The following BAZ1A variants were observed in gnomAD, a reference collection of about 807,000 sequenced individuals.
BAZ1A encodes the protein bromodomain adjacent to zinc finger domain protein 1A.
A neutral mutation model predicts 185.2 loss-of-function variants in BAZ1A; 50 were observed. The ratio of observed to expected loss-of-function variants is 0.27; its 90% CI spans 0.22 to 0.34. The LOEUF (loss-of-function observed/expected upper bound fraction) is 0.34, where lower values mean the gene tolerates loss of function less well. Among genes scored for constraint, BAZ1A ranks in the 10% least tolerant of loss-of-function variants. The probability of loss-of-function intolerance (pLI) is 1.00; values close to 1 mark genes in which losing one functional copy is unlikely to be tolerated. For synonymous variants in BAZ1A, 571 were observed against 615.6 expected, an observed-to-expected ratio of 0.93 and a Z score of 1.07; for missense variants, 1,356 against 1,839.9, an observed-to-expected ratio of 0.74 and a Z score of 4.81.
At chr14:34,851,600 G>A (rs1400130199) in intron 3 of BAZ1A, among the ~76,000 whole-genome samples, 1 of 151,822 alleles carries the variant, frequency 6.6e-6, no homozygotes, top group East Asian at 1.9e-4. Context: ...AAGTATTTGA[G>A]TTCCAGTTCA....
chr14:34,775,659 G>C (rs571683006), intron 18 of BAZ1A, among the ~76,000 whole-genome samples: 80 of 152,296 alleles, frequency 5.3e-4, no homozygotes, highest in African/African-American at 1.9e-3. Flanking sequence ...AAGGAATAAG[G>C]AGATCAGGGA....
intron 3 of BAZ1A, among the ~76,000 whole-genome samples, chr14:34,846,870 G>C (rs2042520689): frequency 6.6e-6 from 1 of 151,778 alleles, no homozygotes; most frequent in Non-Finnish European, 1.5e-5. Flanking sequence ...TGCACATCCT[G>C]CACACGTACC....
At chr14:34,872,430 A>C (rs972638967) in intron 2 of BAZ1A, among the ~76,000 whole-genome samples, 5 of 152,022 alleles carry the variant, frequency 3.3e-5, no homozygotes, top group Admixed American at 6.6e-5. Context: ...AACCCCGTCT[A>C]TGAAAATACA....
At chr14:34,836,826 G>A (rs962560103) in intron 3 of BAZ1A, among the ~76,000 whole-genome samples, 12 of 152,006 alleles carry the variant, frequency 7.9e-5, no homozygotes, top group South Asian at 4.1e-4. Context: ...CAAAAAGAGT[G>A]TGAATTATGT....
chr14:34,840,716 C>G (rs2042399794), intron 3 of BAZ1A, among the ~76,000 whole-genome samples: 1 of 151,984 alleles, frequency 6.6e-6, no homozygotes, highest in Non-Finnish European at 1.5e-5. Context: ...AAAGTTGCAC[C>G]ACTGCACTCC....
intron 19 of BAZ1A, among the ~76,000 whole-genome samples, chr14:34,774,089 G>A (rs1164460648): frequency 6.6e-6 from 1 of 152,182 alleles, no homozygotes; most frequent in African/African-American, 2.4e-5. Flanking sequence ...ACTCAGCAGA[G>A]AAGGCAGGGG....
In BAZ1A at chr14:34,753,774, C is replaced by G. The variant is rs907920246; in HGVS notation, c.4475-70G>C. On this transcript the variant is annotated intron_variant, in intron 26 of 26. Coordinates refer to ENST00000360310, the MANE Select transcript of BAZ1A (RefSeq NM_013448.3). ...ATTATAATAAATATAATTCTTGTAT[C>G]ATATCTGGAAATTTTATTAAGAAAA... 10 of 1,243,798 alleles carry G rather than the reference C, an allele frequency of 8.0e-6. No individual in the cohort carries two copies. In the South Asian group the frequency reaches 2.2e-4, roughly 28 times the overall value. The allele number at this position is 1,243,798 out of a possible 1,614,324, so 77.0% of individuals were successfully genotyped here.
At chr14:34,875,092 C>T in intron 1 of BAZ1A, 46 bp downstream of exon 1, 3 of 361,986 alleles carry the variant, frequency 8.3e-6, no homozygotes, top group Non-Finnish European at 1.6e-5. Flanking sequence ...TCCCGGCTCG[C>T]CTCCACTTCC....
intron 14 of BAZ1A, among the ~76,000 whole-genome samples, chr14:34,784,817 C>CA (rs1307079820): frequency 2.0e-5 from 3 of 148,204 alleles, no homozygotes; most frequent in Non-Finnish European, 3.0e-5. Context: ...CGCGCCTGGC[C>CA]AAAAAAAAAT....
intron 18 of BAZ1A, 87 bp downstream of exon 18, chr14:34,775,832 T>C: frequency 1.9e-6 from 2 of 1,029,800 alleles, no homozygotes; most frequent in Non-Finnish European, 2.9e-6. Flanking sequence ...AATGTATTTC[T>C]AATAGGTTGC....
intron 10 of BAZ1A, 71 bp downstream of exon 10, chr14:34,795,599 G>A: frequency 1.9e-6 from 2 of 1,032,834 alleles, no homozygotes; most frequent in Non-Finnish European, 1.4e-6. Flanking sequence ...AAATAAGAAT[G>A]ATTTCATCAG....
chr14:34,870,823 A>G (rs546856713), intron 2 of BAZ1A, among the ~76,000 whole-genome samples: 1 of 152,288 alleles, frequency 6.6e-6, no homozygotes, highest in South Asian at 2.1e-4. Context: ...CCCCACCCCA[A>G]CTTGTTTCCT....
intron 4 of BAZ1A, among the ~76,000 whole-genome samples, chr14:34,820,435 A>G (rs2042072650): frequency 6.6e-6 from 1 of 152,106 alleles, no homozygotes; most frequent in South Asian, 2.1e-4. Flanking sequence ...CCCAGCCCTC[A>G]TTGTCTTAAT....
chr14:34,802,910 A>G lies in BAZ1A; in HGVS notation c.805T>C (p.Phe269Leu). 6.2e-7 allele frequency: 1 copy of G among 1,613,256 alleles called. No individual in the cohort carries two copies. Among genetic ancestry groups the G allele is most frequent in the Non-Finnish European group, 8.5e-7 (1 of 1,179,204 alleles). ...CCTCTTCGTCTGTTAGCAGGACTGA[A>G]GATAAATGTGGGTGGATCATCAGGG... ...FFPDDPPTFIFSPANRRRGRP... is the reference protein window; with the variant it reads ...FFPDDPPTFILSPANRRRGRP... Residue 269 changes from phenylalanine (F) to leucine (L), a missense_variant, in exon 7 of 27, where the codon TTC becomes CTC. Phe to Leu is a conservative substitution (Grantham distance 22). This residue lies in a region of BAZ1A where 332 missense variants were observed against 395.3 expected (regional missense o/e 0.84). Coordinates refer to ENST00000360310, the MANE Select transcript of BAZ1A (RefSeq NM_013448.3).
At chr14:34,842,129 A>G (rs760525178) in intron 3 of BAZ1A, among the ~76,000 whole-genome samples, 39 of 152,130 alleles carry the variant, frequency 2.6e-4, no homozygotes, top group Admixed American at 3.9e-4. Flanking sequence ...GCCAGCACAC[A>G]ATACTTACTG....
At chr14:34,860,032 T>C (rs2042743152) in intron 3 of BAZ1A, among the ~76,000 whole-genome samples, 1 of 152,236 alleles carries the variant, frequency 6.6e-6, no homozygotes, top group South Asian at 2.1e-4. Context: ...AAATAACTAA[T>C]AAAGTACTGT....
chr14:34,775,972 C>T lies in BAZ1A; in HGVS notation c.2780G>A (p.Ser927Asn), dbSNP rs1166689737. 1 of 1,612,984 alleles carries T rather than the reference C, an allele frequency of 6.2e-7. No homozygotes were observed. The highest frequency in any genetic ancestry group is 1.7e-5 in the Admixed American group (1 of 59,924). Residue 927 changes from serine to asparagine, a missense_variant, in exon 18 of 27, where the codon AGC becomes AAC. Around this residue, in one of 7 missense-constraint regions of BAZ1A, gnomAD observed 434 missense variants for 561.7 expected, o/e 0.77. Transcript: ENST00000360310. ...ALKETLLQEKSRICAQLARFS... is the reference protein window; with the variant it reads ...ALKETLLQEKNRICAQLARFS... ...ACGGGCTAGCTGTGCACATATTCTG[C>T]TTTTCTCTTGTAACAAAGTTTCTTT...
intron 21 of BAZ1A, 84 bp downstream of exon 21, chr14:34,771,427 A>G: frequency 7.9e-7 from 1 of 1,267,154 alleles, no homozygotes. Flanking sequence ...TCATTATGTC[A>G]GCCAATAAAG....
intron 16 of BAZ1A, among the ~76,000 whole-genome samples, chr14:34,781,970 T>C (rs1344506625): frequency 6.6e-6 from 1 of 152,244 alleles, no homozygotes; most frequent in South Asian, 2.1e-4. Context: ...TTATCACTTC[T>C]GGCTATTAAG....
Sources: gnomAD v4.1 joint callset for allele counts (sites outside exome capture counted in the v4.1 genomes callset) on GRCh38, gnomAD v4.1.1 for gene constraint, gnomAD v4.1.1 regional missense constraint, MANE v1.5 for transcripts, NCBI Gene and HGNC (gene_info 2026-07-23, HGNC 2026-07-21) for gene names.